Variants in CLCN6 observed in about 807,000 individuals in gnomAD.
The protein encoded by CLCN6 is Cl-/H+ antiporter 6.
A neutral mutation model predicts 109.8 loss-of-function variants in CLCN6; 70 were observed. That is an observed-to-expected ratio of 0.64 (90% confidence interval 0.53 to 0.78). The LOEUF (loss-of-function observed/expected upper bound fraction) is 0.78. CLCN6 is among the 30% of genes least tolerant of loss of function. The pLI is 0.00. For synonymous variants in CLCN6, 444 were observed against 447.8 expected (o/e 0.99, Z 0.11); for missense variants, 984 against 1,142.3 (o/e 0.86, Z 2.00).
chr1:11,838,706 C>T, intron 22 of CLCN6, 46 bp downstream of exon 22: 2 of 1,614,068 alleles, frequency 1.2e-6, no homozygotes, highest in South Asian at 1.1e-5. Flanking sequence ...AGAGGATCCC[C>T]TAGCCAGGTG....
intron 14 of CLCN6, 81 bp downstream of exon 14, chr1:11,833,719 A>G (rs1383328400): frequency 1.3e-6 from 2 of 1,588,868 alleles, no homozygotes; most frequent in Non-Finnish European, 1.7e-6. Flanking sequence ...ATTCCAAGCA[A>G]GACCAGGACT....
At position 11,827,126 on chromosome 1, in the gene CLCN6, G is replaced by A; in HGVS notation, c.745G>A (p.Gly249Arg). Residue 249 changes from glycine to arginine, a missense_variant, in exon 10 of 23, where the codon GGA (glycine) becomes AGA (arginine). By Grantham distance (125) the Gly-to-Arg change is moderately radical (BLOSUM62 -2). Transcript: ENST00000346436. ...RDFVSAGAAA[G>R]VAAAFGAPIG... The stretch of plus-strand genomic sequence containing the variant: ...CTTTGTATCAGCAGGAGCGGCTGCT[G>A]GAGTTGCTGCAGCTTTCGGGGCGCC... The A allele has an allele frequency of 6.2e-7, 1 of 1,613,946 alleles. No homozygotes were observed. Among genetic ancestry groups the A allele is most frequent in the Non-Finnish European group, 8.5e-7 (1 of 1,179,906 alleles).
In CLCN6 at chr1:11,833,567, C is replaced by A; in HGVS notation, c.1301C>A (p.Thr434Asn). The change falls in exon 14 of 23, where the codon ACC (threonine) becomes AAC (asparagine). Residue 434 changes from threonine to asparagine, a missense_variant. Coordinates refer to ENST00000346436, the MANE Select transcript of CLCN6 (RefSeq NM_001286.5). ...SIKTFFCPND[T>N]YNDMATLFFN... The stretch of plus-strand genomic sequence containing the variant: ...AAGACATTTTTTTGTCCCAATGATA[C>A]CTACAATGACATGGCCACACTCTTC... The A allele has an allele frequency of 6.2e-7, 1 of 1,613,874 alleles. No homozygotes were observed.
chr1:11,840,307 G>A lies in CLCN6; in HGVS notation c.*84G>A, dbSNP rs547686940. ...GGGCACAGCTGGCTGGGGCTGTTCC[G>A]GGGCATGGAAGATTCCCAGTCACCC... On this transcript the variant is annotated 3_prime_UTR_variant, in exon 23 of 23. Transcript: ENST00000346436. The A allele has an allele frequency of 6.0e-5, 73 of 1,222,170 alleles. No individual in the cohort carries two copies. The highest frequency in any genetic ancestry group is 3.4e-4 in the Admixed American group (20 of 59,192). 75.7% of individuals were successfully genotyped at this position (1,222,170 alleles called of 1,614,324 possible).
Position 11,826,224 on chromosome 1 carries a change from G to A in CLCN6, c.707+10G>A. On this transcript the variant is annotated intron_variant, in intron 9 of 22. Coordinates refer to ENST00000346436, the MANE Select transcript of CLCN6 (RefSeq NM_001286.5). ...ATTTCCGAAGCGACAGGTATGGAAA[G>A]GTTAGAAATTGGTTTCTTTTTTGGA... The A allele has an allele frequency of 6.2e-7, 1 of 1,610,570 alleles. No individual in the cohort carries two copies. Among genetic ancestry groups the A allele is most frequent in the Non-Finnish European group, 8.5e-7 (1 of 1,176,766 alleles).
Position 11,840,229 on chromosome 1 carries a change from C to T in CLCN6, c.*6C>T. On this transcript the variant is annotated 3_prime_UTR_variant, in exon 23 of 23. Coordinates refer to ENST00000346436, the MANE Select transcript of CLCN6 (RefSeq NM_001286.5). ...AGCACTACCAGACCATCTGACAGCCCAGCCCACCCTCTCCTGGTGCTGCCT... is the reference window on the plus strand; with the variant it reads ...AGCACTACCAGACCATCTGACAGCCTAGCCCACCCTCTCCTGGTGCTGCCT... 1.2e-6 allele frequency: 2 copies of T among 1,610,970 alleles called. No homozygotes were observed.
intron 5 of CLCN6, among the ~76,000 whole-genome samples, chr1:11,821,078 A>C (rs1267351315): frequency 2.0e-5 from 3 of 148,580 alleles, no homozygotes; most frequent in Non-Finnish European, 4.5e-5. Context: ...CTGTCTCAAA[A>C]AACAACAACA....
Position 11,822,795 on chromosome 1 carries a change from C to T in CLCN6, c.447C>T (p.Leu149=), listed in dbSNP as rs1644762790. The change falls in exon 6 of 23, where the codon CTC becomes CTT. Residue 149 remains leucine, a synonymous_variant. Coordinates refer to ENST00000346436, the MANE Select transcript of CLCN6 (RefSeq NM_001286.5). The part of the protein sequence containing the change: ...TFVFLASLLV[L]IEPVAAGSGI... The stretch of plus-strand genomic sequence containing the variant: ...TCTTCCTGGCAAGCCTCCTTGTTCT[C>T]ATTGAGGTGAGGTGGTTTGGATTCA... 6.2e-7 allele frequency: 1 copy of T among 1,610,986 alleles called. No individual in the cohort carries two copies. Among genetic ancestry groups the T allele is most frequent in the Non-Finnish European group, 8.5e-7 (1 of 1,177,172 alleles).
chr1:11,807,084 A>T, intron 1 of CLCN6, 47 bp from the exon 2 acceptor site: 1 of 1,530,090 alleles, frequency 6.5e-7, no homozygotes. Flanking sequence ...GCCTCCTTCC[A>T]CTCCTAACCA....
Position 11,826,202 on chromosome 1 carries a change from T to G in CLCN6, c.695T>G (p.Phe232Cys). ...LRKIQFNFPY[F>C]RSDRDKRDFV... Reference sequence around the variant, plus strand: ...AAGATCCAGTTTAACTTCCCCTATTTCCGAAGCGACAGGTATGGAAAGGTT... The same window carrying G: ...AAGATCCAGTTTAACTTCCCCTATTGCCGAAGCGACAGGTATGGAAAGGTT... Residue 232 changes from phenylalanine (F) to cysteine (C), a missense_variant, in exon 9 of 23, where the codon TTC becomes TGC. Phe to Cys is a radical substitution (Grantham distance 205, BLOSUM62 -2). Transcript: ENST00000346436. 6.2e-7 allele frequency: 1 copy of G among 1,613,828 alleles called. No individual in the cohort carries two copies. Among genetic ancestry groups the G allele is most frequent in the East Asian group, 2.2e-5 (1 of 44,892 alleles).
intron 13 of CLCN6, among the ~76,000 whole-genome samples, chr1:11,832,714 G>A (rs778882429): frequency 1.3e-4 from 20 of 152,186 alleles, no homozygotes; most frequent in Non-Finnish European, 2.6e-4. Context: ...TTTGTAATAA[G>A]ACTCCCTATT....
chr1:11,819,181 C>A (rs895514151), intron 4 of CLCN6, among the ~76,000 whole-genome samples: 2 of 152,188 alleles, frequency 1.3e-5, no homozygotes, highest in East Asian at 1.9e-4. Context: ...AGAGTAGACA[C>A]CCCTGTGTCA....
chr1:11,828,073 G>T (rs562629579), intron 10 of CLCN6, 33 bp from the exon 11 acceptor site: 1 of 1,532,202 alleles, frequency 6.5e-7, no homozygotes, highest in Admixed American at 1.7e-5. Context: ...TGCCACTCCT[G>T]AACCTTCTTG....
At chr1:11,812,996 G>C (rs1342895112) in intron 2 of CLCN6, among the ~76,000 whole-genome samples, 1 of 152,112 alleles carries the variant, frequency 6.6e-6, no homozygotes. Context: ...TTTGTTCACT[G>C]TCCCATACAA....
At chr1:11,815,685 G>A (rs557178227) in intron 2 of CLCN6, among the ~76,000 whole-genome samples, 161 bp from the exon 3 acceptor site, 103 of 152,278 alleles carry the variant, frequency 6.8e-4, no homozygotes, top group Middle Eastern at 3.4e-3. Context: ...ATGAGCCACC[G>A]CACCCAGCCA....
intron 2 of CLCN6, among the ~76,000 whole-genome samples, chr1:11,808,313 C>T (rs568049795): frequency 2.6e-5 from 4 of 151,568 alleles, no homozygotes; most frequent in South Asian, 2.1e-4. Flanking sequence ...AGGCTGTTCT[C>T]GAACTCCTTG....
At chr1:11,809,189 C>T (rs111320063) in intron 2 of CLCN6, among the ~76,000 whole-genome samples, 84 of 152,148 alleles carry the variant, frequency 5.5e-4, no homozygotes, top group African/African-American at 2.0e-3. Flanking sequence ...TATTTGTTTT[C>T]TTGTACATAG....
In CLCN6 at chr1:11,842,983, C is replaced by G. The variant is rs1645044021; in HGVS notation, c.*2760C>G. ...CGCAGCTTCCTTTTTTCTGTTTGCA[C>G]TGTTTGTTTGTATGATGTTAGCTAA... On this transcript the variant is annotated 3_prime_UTR_variant, in exon 23 of 23. Transcript: ENST00000346436. 6.6e-6 allele frequency: 1 copy of G among 152,246 alleles called. No individual in the cohort carries two copies. Among genetic ancestry groups the G allele is most frequent in the Admixed American group, 6.5e-5 (1 of 15,280 alleles). The allele number at this position is 152,246 out of a possible 1,614,324, so 9.4% of individuals were successfully genotyped here.
In CLCN6 at chr1:11,834,084, GTGTGTATGCA is replaced by G; in HGVS notation, c.1526+60_1526+69del. On this transcript the variant is annotated intron_variant, in intron 15 of 22. Transcript: ENST00000346436. This position sits in a 1 kb window ranked among gnomAD's most constrained non-coding sequence, Gnocchi z 4.5. ...CATGTGCATGTGTGTGCACGTGTGC[GTGTGTATGCA>G]TGTGTGTGCGTGTGCGTGCGTTGAT... The G allele has an allele frequency of 6.2e-7, 1 of 1,602,140 alleles. No individual in the cohort carries two copies. The highest frequency in any genetic ancestry group is 1.1e-5 in the South Asian group (1 of 89,872).
Sources: allele counts gnomAD v4.1 joint callset (sites outside exome capture counted in the v4.1 genomes callset), GRCh38; gene constraint gnomAD v4.1.1; non-coding constraint Gnocchi (gnomAD v3.1); transcripts MANE v1.5; gene names NCBI Gene and HGNC (gene_info 2026-07-23, HGNC 2026-07-21).